The following L3MBTL1 variants were observed in gnomAD, a reference collection of about 807,000 sequenced individuals.
L3MBTL1 encodes the protein L3MBTL histone methyl-lysine binding protein 1.
A neutral mutation model predicts 105.3 loss-of-function variants in L3MBTL1; 75 were observed. That is an observed-to-expected ratio of 0.71 (90% CI 0.59 to 0.86). L3MBTL1 has a LOEUF of 0.86. L3MBTL1 is among the 40% of genes least tolerant of loss of function. The probability of loss-of-function intolerance (pLI) is 0.00; values close to 1 mark genes in which losing one functional copy is unlikely to be tolerated. For synonymous variants in L3MBTL1, 452 were observed against 436.2 expected (o/e 1.04, Z -0.45); for missense variants, 1,069 against 1,126.4 (o/e 0.95, Z 0.73).
intron 11 of L3MBTL1, 49 bp downstream of exon 11, chr20:43,530,938 C>G (rs2019305429): frequency 6.7e-7 from 1 of 1,488,284 alleles, no homozygotes; most frequent in South Asian, 1.2e-5. Context: ...TGCCAGAGTT[C>G]ACTGCAGCTG....
chr20:43,525,343 G>A (rs1445989185), intron 7 of L3MBTL1, among the ~76,000 whole-genome samples: 1 of 152,148 alleles, frequency 6.6e-6, no homozygotes, highest in African/African-American at 2.4e-5. Flanking sequence ...ATTTCTGGAA[G>A]TGGAGAGAGG....
At chr20:43,519,134 C>G (rs1210392200) in intron 7 of L3MBTL1, among the ~76,000 whole-genome samples, 1 of 151,490 alleles carries the variant, frequency 6.6e-6, no homozygotes, top group Non-Finnish European at 1.5e-5. Flanking sequence ...CTCAGGAATT[C>G]GAGACCAGCC....
At chr20:43,520,770 G>A (rs973308904) in intron 7 of L3MBTL1, among the ~76,000 whole-genome samples, 7 of 152,228 alleles carry the variant, frequency 4.6e-5, no homozygotes, top group East Asian at 3.9e-4. Flanking sequence ...TGAAATACAA[G>A]GACTGCCATA....
At position 43,533,408 on chromosome 20, in the gene L3MBTL1, C is replaced by A. The variant is rs200016342; in HGVS notation, c.1503C>A (p.Thr501=). The A allele has an allele frequency of 6.2e-7, 1 of 1,613,330 alleles. No homozygotes were observed. The highest frequency in any genetic ancestry group is 2.2e-5 in the East Asian group (1 of 44,832). ...GWCQKQGKPL[T]PPQDYPDPDN... ...GCCAGAAGCAAGGAAAGCCCCTCAC[C>A]CCTCCACAAGGTGACCCTGCAGCCT... Residue 501 remains threonine, a synonymous_variant, in exon 13 of 22, where the codon ACC becomes ACA. Coordinates refer to ENST00000418998, the MANE Select transcript of L3MBTL1 (RefSeq NM_001377303.1).
At position 43,528,745 on chromosome 20, in the gene L3MBTL1, C is replaced by T. The variant is rs201459036; in HGVS notation, c.951C>T (p.Asp317=). The T allele has an allele frequency of 4.5e-5, 72 of 1,611,558 alleles. No homozygotes were observed. In the Middle Eastern group the frequency reaches 4.9e-4, roughly 11 times the overall value. The change falls in exon 8 of 22, where the codon GAC becomes GAT. Residue 317 remains aspartate (D), a splice_region_variant and synonymous_variant. Coordinates refer to ENST00000418998, the MANE Select transcript of L3MBTL1 (RefSeq NM_001377303.1). ...AITAPVSLFQ[D]SQAVTHNKNG... ...CTGCTCCAGTCAGCCTCTTCCAGGACGTGAGTTGGACAATTTCCCCGTAGG... is the reference window on the plus strand; with the variant it reads ...CTGCTCCAGTCAGCCTCTTCCAGGATGTGAGTTGGACAATTTCCCCGTAGG...
At chr20:43,527,872 A>G (rs1207711223) in intron 7 of L3MBTL1, among the ~76,000 whole-genome samples, 2 of 152,020 alleles carry the variant, frequency 1.3e-5, no homozygotes, top group Non-Finnish European at 2.9e-5. Context: ...GGCGTGTGCC[A>G]CCACGCCTGG....
Position 43,528,667 on chromosome 20 carries a change from G to A in L3MBTL1, c.873G>A (p.Glu291=). Residue 291 remains glutamate (E), a synonymous_variant, in exon 8 of 22, where the codon GAG becomes GAA. Transcript: ENST00000418998. ...EWSSSQPATG[E]KKECWSWESY... is the part of the protein sequence containing the mutation. ...GTCCCCTTTCCACAGCAACAGGTGA[G>A]AAGAAGGAATGCTGGTCGTGGGAGT... 1 of 1,614,016 alleles carries A rather than the reference G, an allele frequency of 6.2e-7. No homozygotes were observed. Among genetic ancestry groups the A allele is most frequent in the Non-Finnish European group, 8.5e-7 (1 of 1,179,842 alleles).
Position 43,516,139 on chromosome 20 carries a change from G to A in L3MBTL1, c.824G>A (p.Ser275Asn). ...GKDPEGQPTA[S>N]TPESEEWSSS... ...GACCCAGAGGGACAACCCACTGCTAGCACCCCAGAGAGTGAGGAGTGGAGC... is the reference window on the plus strand; with the variant it reads ...GACCCAGAGGGACAACCCACTGCTAACACCCCAGAGAGTGAGGAGTGGAGC... The change falls in exon 7 of 22, where the codon AGC (serine) becomes AAC (asparagine). Residue 275 changes from serine to asparagine, a missense_variant. Transcript: ENST00000418998. 1.9e-6 allele frequency: 3 copies of A among 1,614,104 alleles called. No homozygotes were observed. Among genetic ancestry groups the A allele is most frequent in the Non-Finnish European group, 2.5e-6 (3 of 1,179,992 alleles).
At chr20:43,549,268 G>T (rs1205478189) in exon 19 of L3MBTL1, 1 of 152,316 alleles carries the variant, frequency 6.6e-6, no homozygotes, top group Non-Finnish European at 1.5e-5. Flanking sequence ...CTCCAGGCCT[G>T]CCAGGCCTTC....
downstream of L3MBTL1, among the ~76,000 whole-genome samples, chr20:43,544,144 C>T (rs529619575): frequency 6.6e-6 from 1 of 152,346 alleles, no homozygotes; most frequent in South Asian, 2.1e-4. Context: ...TGTTTACTGG[C>T]AGCTTCCTGC....
intron 7 of L3MBTL1, among the ~76,000 whole-genome samples, chr20:43,526,688 G>A (rs142042153): frequency 1.8e-4 from 28 of 152,314 alleles, no homozygotes; most frequent in African/African-American, 5.5e-4. Flanking sequence ...GGCCGAGTGC[G>A]GTGGTTCATG....
chr20:43,527,148 ACT>A (rs2019074758), intron 7 of L3MBTL1, among the ~76,000 whole-genome samples: 1 of 152,098 alleles, frequency 6.6e-6, no homozygotes, highest in South Asian at 2.1e-4. Context: ...GAAGTCCAGC[ACT>A]CTGTATTTCA....
intron 19 of L3MBTL1, 144 bp from the exon 20 acceptor site, chr20:43,540,007 C>T: frequency 1.2e-6 from 1 of 857,824 alleles, no homozygotes; most frequent in Non-Finnish European, 1.9e-6. Context: ...ACGGCTCACC[C>T]TCTTGACTCT....
rs1176856356 is a variant in L3MBTL1 at position 43,522,457 on chromosome 20, GTTTTTTTTTTTTTTTTT to G, written c.863-6185_863-6169del. 1.4e-3 allele frequency among the ~76,000 whole-genome samples: 138 copies of G among 95,892 alleles called. 2 individuals carry two copies. Among genetic ancestry groups the G allele is most frequent in the Admixed American group, 2.5e-3 (18 of 7,144 alleles). 62.9% of individuals were successfully genotyped at this position (95,892 alleles called of 152,430 possible). ...TGGTAACTGAATTTTTCCCTGCTAA[GTTTTTTTTTTTTTTTTT>G]TTTTTTTTTTTTTTGGAGACAGGAT... On this transcript the variant is annotated intron_variant, in intron 7 of 21. Transcript: ENST00000418998.
At chr20:43,508,869 G>A (rs2018056792) in intron 1 of L3MBTL1, among the ~76,000 whole-genome samples, 1 of 152,246 alleles carries the variant, frequency 6.6e-6, no homozygotes, top group Non-Finnish European at 1.5e-5. Context: ...CTGCAGAGGT[G>A]TTCCAAAGTA....
At chr20:43,534,992 A>G in intron 16 of L3MBTL1, 50 bp downstream of exon 16, 1 of 1,333,086 alleles carries the variant, frequency 7.5e-7, no homozygotes, top group Non-Finnish European at 1.0e-6. Flanking sequence ...CCAGGTTCTG[A>G]CAATCCTATA....
intron 7 of L3MBTL1, among the ~76,000 whole-genome samples, chr20:43,524,825 G>A (rs1600922078): frequency 1.3e-5 from 2 of 152,224 alleles, no homozygotes; most frequent in African/African-American, 2.4e-5. Flanking sequence ...AATGCATGAT[G>A]AAGCTGGCAT....
intron 6 of L3MBTL1, chr20:43,515,859 GA>G (rs747093607): frequency 7.6e-6 from 4 of 528,914 alleles, no homozygotes; most frequent in Non-Finnish European, 1.4e-5. Flanking sequence ...AGATAATAAG[GA>G]GAGTTGTAGT....
At position 43,541,122 on chromosome 20, in the gene L3MBTL1, A is replaced by G. The variant is rs776185457; in HGVS notation, c.2583A>G (p.Gln861=). The change falls in exon 22 of 22, where the codon CAA becomes CAG. Residue 861 remains glutamine, a synonymous_variant. Transcript: ENST00000418998. ...AACTTAGCTTTGCCAGTGATAGTCA[A>G]TATTAAAGTGTACTTTTTTCCCCTT... is the stretch of plus-strand genomic sequence containing the variant. The part of the protein sequence containing the change: ...LAKLSFASDS[Q]Y The G allele has an allele frequency of 6.2e-7, 1 of 1,612,152 alleles. No homozygotes were observed. Among genetic ancestry groups the G allele is most frequent in the African/African-American group, 1.3e-5 (1 of 75,030 alleles).
Sources: gnomAD v4.1 joint callset for allele counts (sites outside exome capture counted in the v4.1 genomes callset) on GRCh38, gnomAD v4.1.1 for gene constraint, MANE v1.5 for transcripts, NCBI Gene and HGNC (gene_info 2026-07-23, HGNC 2026-07-21) for gene names.